The following C21orf91 variants were observed in gnomAD, a reference collection of about 807,000 sequenced individuals.
C21orf91 encodes the protein protein EURL homolog.
C21orf91 carries 26 observed loss-of-function variants against 32.9 expected under a neutral mutation model. That is an observed-to-expected ratio of 0.79 (90% CI 0.58 to 1.10). C21orf91 has a LOEUF of 1.10. Among genes scored for constraint, C21orf91 ranks in the 50% least tolerant of loss-of-function variants. C21orf91 has a pLI of 0.00. For missense variants in C21orf91, 310 were observed against 341.3 expected (o/e 0.91, Z 0.72); for synonymous variants, 126 against 120.4 (o/e 1.05, Z -0.31).
At position 17,791,512 on chromosome 21, in the gene C21orf91, C is replaced by T. The variant is rs1341139764; in HGVS notation, c.*1903G>A. On this transcript the variant is annotated 3_prime_UTR_variant, in exon 5 of 5. Transcript: ENST00000284881. ...ATTGATATCAAATGCAACATATCCC[C>T]AACTTTTATGACTGTCCCTAACTCA... 2.6e-5 allele frequency: 4 copies of T among 152,132 alleles called. No homozygotes were observed. Among genetic ancestry groups the T allele is most frequent in the African/African-American group, 7.2e-5 (3 of 41,454 alleles). The allele number at this position is 152,132 out of a possible 1,614,324, so 9.4% of individuals were successfully genotyped here. A position where few individuals can be genotyped will look rare whatever the true frequency, so the allele number is the denominator to read the frequency against.
intron 1 of C21orf91, 125 bp from the exon 2 acceptor site, chr21:17,818,450 A>C (rs2062680546): frequency 2.7e-6 from 2 of 738,672 alleles, no homozygotes; most frequent in Admixed American, 5.0e-5. Flanking sequence ...AAGCTCCATC[A>C]AACAAGCATC....
Position 17,818,333 on chromosome 21 carries a change from G to A in C21orf91, c.-7-8C>T. ...TCTTCGTTCATAGTGCCCCTATTAA[G>A]AAACAGAAAAGGAAAGTTACACAAT... On this transcript the variant is annotated splice_region_variant and splice_polypyrimidine_tract_variant and intron_variant, in intron 1 of 4. Coordinates refer to ENST00000284881, the MANE Select transcript of C21orf91 (RefSeq NM_001100420.2). The A allele has an allele frequency of 2.5e-6, 4 of 1,594,098 alleles. No homozygotes were observed. The highest frequency in any genetic ancestry group is 1.1e-5 in the South Asian group (1 of 88,638).
intron 2 of C21orf91, among the ~76,000 whole-genome samples, chr21:17,805,722 T>C (rs1056489455): frequency 2.6e-5 from 4 of 152,206 alleles, no homozygotes; most frequent in African/African-American, 9.6e-5. Context: ...AAGGTTTAAT[T>C]AACATTATGT....
chr21:17,805,083 T>C (rs1449659585), intron 2 of C21orf91, among the ~76,000 whole-genome samples: 1 of 152,234 alleles, frequency 6.6e-6, no homozygotes, highest in African/African-American at 2.4e-5. Context: ...GTTGTATGTA[T>C]AACTGAGCTA....
rs1340225063 is a variant in C21orf91 at position 17,789,119 on chromosome 21, C to T, written c.*4296G>A. On this transcript the variant is annotated 3_prime_UTR_variant, in exon 5 of 5. Transcript: ENST00000284881. ...CAAATAATTGCCTACTTTTTTGAAA[C>T]AAACTTGGTTTTTACCACAGCAGTT... 6.6e-6 allele frequency: 1 copy of T among 151,968 alleles called. No individual in the cohort carries two copies. The highest frequency in any genetic ancestry group is 2.4e-5 in the African/African-American group (1 of 41,366). The allele number at this position is 151,968 out of a possible 1,614,324, so 9.4% of individuals were successfully genotyped here.
intron 2 of C21orf91, among the ~76,000 whole-genome samples, chr21:17,809,971 T>C (rs772666356): frequency 1.3e-5 from 2 of 152,198 alleles, no homozygotes; most frequent in African/African-American, 4.8e-5. Flanking sequence ...AAATTATTTA[T>C]AAACAGCAGA....
chr21:17,804,031 T>TGCAG (rs1328408576), intron 2 of C21orf91, among the ~76,000 whole-genome samples: 4 of 152,218 alleles, frequency 2.6e-5, no homozygotes, highest in African/African-American at 9.6e-5. Context: ...CCTGTGACCC[T>TGCAG]GCAGGCTCCA....
intron 2 of C21orf91, among the ~76,000 whole-genome samples, chr21:17,812,503 A>G (rs137917831): frequency 6.5e-4 from 99 of 152,308 alleles, no homozygotes; most frequent in South Asian, 2.5e-3. Context: ...TTATCTTCAG[A>G]TAACTTTTGT....
chr21:17,796,542 C>G, intron 3 of C21orf91, 40 bp downstream of exon 3: 1 of 1,531,910 alleles, frequency 6.5e-7, no homozygotes, highest in Non-Finnish European at 8.9e-7. Context: ...ACAAAAATCC[C>G]AAACCACCCA....
chr21:17,806,497 G>A (rs2062594846), intron 2 of C21orf91, among the ~76,000 whole-genome samples: 1 of 115,826 alleles, frequency 8.6e-6, no homozygotes, highest in Non-Finnish European at 1.7e-5. Context: ...AGGTTGCCAA[G>A]CTGATGAGTT....
At chr21:17,812,888 C>T (rs1463642015) in intron 2 of C21orf91, among the ~76,000 whole-genome samples, 1 of 152,166 alleles carries the variant, frequency 6.6e-6, no homozygotes, top group East Asian at 1.9e-4. Context: ...GACTTCCTGC[C>T]TTCTGCCATG....
In C21orf91 at chr21:17,797,132, A is replaced by T. The variant is rs778115058; in HGVS notation, c.128-14T>A. On this transcript the variant is annotated splice_polypyrimidine_tract_variant and intron_variant, in intron 2 of 4. Coordinates refer to ENST00000284881, the MANE Select transcript of C21orf91 (RefSeq NM_001100420.2). ...ACTTTGGTACCCCTATGGAAAAAAA[A>T]GAGAAACAAAAGACTTGAGAAATTT... is the stretch of plus-strand genomic sequence containing the variant. The T allele has an allele frequency of 2.0e-6, 3 of 1,534,450 alleles. No individual in the cohort carries two copies. Among genetic ancestry groups the T allele is most frequent in the Non-Finnish European group, 2.6e-6 (3 of 1,141,380 alleles).
chr21:17,804,046 C>T (rs865908336), intron 2 of C21orf91, among the ~76,000 whole-genome samples: 13 of 152,304 alleles, frequency 8.5e-5, no homozygotes, highest in African/African-American at 3.1e-4. Context: ...GCTCCAAATC[C>T]ATGTCCGGTC....
In C21orf91 at chr21:17,791,728, T is replaced by A. The variant is rs1005797508; in HGVS notation, c.*1687A>T. On this transcript the variant is annotated 3_prime_UTR_variant, in exon 5 of 5. Coordinates refer to ENST00000284881, the MANE Select transcript of C21orf91 (RefSeq NM_001100420.2). ...TTGCACACATTTAATTTAAAGCTCA[T>A]CAAAACTAAGGCAATGCATCCATAC... The A allele has an allele frequency of 6.6e-6, 1 of 152,114 alleles. No individual in the cohort carries two copies. The highest frequency in any genetic ancestry group is 6.5e-5 in the Admixed American group (1 of 15,278). The allele number at this position is 152,114 out of a possible 1,614,324, so 9.4% of individuals were successfully genotyped here.
chr21:17,798,734 G>C (rs1387430118), intron 2 of C21orf91, among the ~76,000 whole-genome samples: 3 of 152,142 alleles, frequency 2.0e-5, no homozygotes, highest in African/African-American at 7.2e-5. Context: ...CTTTAAAAAT[G>C]GGAAACTGAC....
chr21:17,819,023 C>G (rs998800405), intron 1 of C21orf91: 1 of 152,210 alleles, frequency 6.6e-6, no homozygotes, highest in Non-Finnish European at 1.5e-5. Flanking sequence ...CTCCGGGATT[C>G]CTCCCAGAGG....
chr21:17,803,699 A>G (rs1432843988), intron 2 of C21orf91, among the ~76,000 whole-genome samples: 2 of 152,172 alleles, frequency 1.3e-5, no homozygotes, highest in Non-Finnish European at 2.9e-5. Context: ...TGCTTCAAGC[A>G]AGTGTTCACT....
intron 2 of C21orf91, chr21:17,817,962 G>A: frequency 2.9e-6 from 1 of 341,796 alleles, no homozygotes; most frequent in Non-Finnish European, 5.2e-6. Context: ...TCTGTATTAG[G>A]AAAAATGGGG....
At position 17,818,257 on chromosome 21, in the gene C21orf91, C is replaced by T; in HGVS notation, c.62G>A (p.Cys21Tyr). The stretch of plus-strand genomic sequence containing the variant: ...TGTTTCTTTGTCTGTTCCCAGTTTA[C>T]AAACACTGCAAATGTTGTCATCATT... The part of the protein sequence containing the change: ...DLNDDNICSV[C>Y]KLGTDKETLS... Residue 21 changes from cysteine to tyrosine, a missense_variant, in exon 2 of 5, where the codon TGT (cysteine) becomes TAT (tyrosine). Physicochemically the swap from Cys to Tyr is radical, Grantham distance 194 (BLOSUM62 -2). Coordinates refer to ENST00000284881, the MANE Select transcript of C21orf91 (RefSeq NM_001100420.2). 6.2e-7 allele frequency: 1 copy of T among 1,611,136 alleles called. No individual in the cohort carries two copies. Among genetic ancestry groups the T allele is most frequent in the Non-Finnish European group, 8.5e-7 (1 of 1,177,324 alleles).
Sources: allele counts gnomAD v4.1 joint callset (sites outside exome capture counted in the v4.1 genomes callset), GRCh38; gene constraint gnomAD v4.1.1; transcripts MANE v1.5; gene names NCBI Gene and HGNC (gene_info 2026-07-23, HGNC 2026-07-21).